Variants in ADGRL2 observed in about 807,000 individuals in gnomAD.
ADGRL2 encodes the protein adhesion G protein-coupled receptor L2.
In ADGRL2, 44 loss-of-function variants were observed where a neutral mutation model predicts 157.4. The observed-to-expected ratio is 0.28, with a 90% CI of 0.22 to 0.36. The LOEUF (loss-of-function observed/expected upper bound fraction) is 0.36. Among genes scored for constraint, ADGRL2 ranks in the 10% least tolerant of loss-of-function variants. The pLI, the probability that ADGRL2 is intolerant of heterozygous loss-of-function variation, is 1.00. For missense variants in ADGRL2, 1,510 were observed against 1,768.9 expected, an observed-to-expected ratio of 0.85 and a Z score of 2.63; for synonymous variants, 585 against 624.7, an observed-to-expected ratio of 0.94 and a Z score of 0.95.
intron 3 of ADGRL2, among the ~76,000 whole-genome samples, chr1:81,657,744 T>C (rs1258613061): frequency 2.0e-5 from 3 of 152,206 alleles, no homozygotes; most frequent in South Asian, 2.1e-4. Context: ...TGTACCTTTC[T>C]TTGGTAAGTA....
At chr1:81,451,187 T>C (rs1215913967) in intron 2 of ADGRL2, among the ~76,000 whole-genome samples, 3 of 152,208 alleles carry the variant, frequency 2.0e-5, no homozygotes, top group Non-Finnish European at 4.4e-5. Flanking sequence ...ACTCAGCTTC[T>C]AGGATCTGAA....
At chr1:81,908,301 C>T (rs1205910335) in intron 3 of ADGRL2, among the ~76,000 whole-genome samples, 1 of 152,172 alleles carries the variant, frequency 6.6e-6, no homozygotes, top group Non-Finnish European at 1.5e-5. Context: ...CCTAAAAATC[C>T]TCTGTCCTTG....
intron 1 of ADGRL2, among the ~76,000 whole-genome samples, chr1:81,381,847 T>C (rs1405251831): frequency 6.6e-6 from 1 of 152,200 alleles, no homozygotes; most frequent in African/African-American, 2.4e-5. Context: ...ATAATAATTG[T>C]TGTATCAAAC....
At chr1:81,790,489 A>C (rs544496547) in intron 2 of ADGRL2, among the ~76,000 whole-genome samples, 9 of 152,350 alleles carry the variant, frequency 5.9e-5, no homozygotes, top group Admixed American at 2.0e-4. Flanking sequence ...CAATTAATTG[A>C]CAAAACAAAT....
chr1:81,635,091 G>C (rs1459045073), intron 3 of ADGRL2, among the ~76,000 whole-genome samples: 1 of 152,130 alleles, frequency 6.6e-6, no homozygotes, highest in Non-Finnish European at 1.5e-5. Flanking sequence ...CTTGGTCTCT[G>C]GTAGGATGAT....
chr1:81,750,026 T>G (rs1426668063), intron 1 of ADGRL2, among the ~76,000 whole-genome samples: 1 of 152,208 alleles, frequency 6.6e-6, no homozygotes, highest in Admixed American at 6.5e-5. Flanking sequence ...ATATGTGAAG[T>G]CTAGTTAGAA....
intron 2 of ADGRL2, among the ~76,000 whole-genome samples, chr1:81,543,621 G>A (rs2079943315): frequency 6.6e-6 from 1 of 152,078 alleles, no homozygotes; most frequent in Admixed American, 6.6e-5. Context: ...GCCTTTCACT[G>A]GGTTACTACG....
chr1:81,893,400 T>C (rs986890440), intron 2 of ADGRL2, among the ~76,000 whole-genome samples: 8 of 152,114 alleles, frequency 5.3e-5, no homozygotes, highest in Admixed American at 5.2e-4. Context: ...AAATTAAAAC[T>C]ATTTGAGGTT....
At chr1:81,343,376 C>T (rs1379031043) in intron 1 of ADGRL2, among the ~76,000 whole-genome samples, 1 of 152,080 alleles carries the variant, frequency 6.6e-6, no homozygotes, top group Non-Finnish European at 1.5e-5. Flanking sequence ...AGGCATGAGC[C>T]ACTGGGCCTG....
intron 2 of ADGRL2, among the ~76,000 whole-genome samples, chr1:81,867,301 C>G (rs1198881698): frequency 6.6e-6 from 1 of 152,142 alleles, no homozygotes; most frequent in Non-Finnish European, 1.5e-5. Context: ...TACTGTTGAA[C>G]AAGGTAGCAT....
At chr1:81,713,823 C>T (rs1410823659) in intron 1 of ADGRL2, among the ~76,000 whole-genome samples, 1 of 152,156 alleles carries the variant, frequency 6.6e-6, no homozygotes, top group Admixed American at 6.5e-5. Context: ...CATTCCATGC[C>T]ATGCTGCCTT....
intron 1 of ADGRL2, among the ~76,000 whole-genome samples, chr1:81,309,841 T>A (rs184343195): frequency 2.6e-4 from 40 of 152,262 alleles, no homozygotes; most frequent in Non-Finnish European, 4.6e-4. Context: ...CATCTCTTTA[T>A]ATGTTTAAAA....
At chr1:81,984,523 T>TAG in intron 19 of ADGRL2, 60 bp from the exon 20 acceptor site, 2 of 1,414,352 alleles carry the variant, frequency 1.4e-6, no homozygotes, top group East Asian at 2.5e-5. Flanking sequence ...TTCATTTAAT[T>TAG]AGAGAGAGAG....
chr1:81,912,037 C>A (rs1192952080), intron 3 of ADGRL2, among the ~76,000 whole-genome samples: 1 of 151,718 alleles, frequency 6.6e-6, no homozygotes, highest in African/African-American at 2.4e-5. Flanking sequence ...AACCTCATAG[C>A]CTACTTACAT....
At chr1:81,322,953 G>T (rs1366087825) in intron 1 of ADGRL2, among the ~76,000 whole-genome samples, 1 of 151,422 alleles carries the variant, frequency 6.6e-6, no homozygotes, top group Admixed American at 6.6e-5. Context: ...CCACTCTTTG[G>T]TTCAAGCAAT....
At chr1:81,687,340 T>C (rs535534021) in intron 3 of ADGRL2, among the ~76,000 whole-genome samples, 3 of 152,312 alleles carry the variant, frequency 2.0e-5, no homozygotes, top group Admixed American at 6.5e-5. Context: ...GGTGCATATA[T>C]GTTTAGGATT....
chr1:81,950,460 A>G lies in ADGRL2; in HGVS notation c.1482A>G (p.Arg494=), dbSNP rs1269961995. 6.2e-7 allele frequency: 1 copy of G among 1,613,830 alleles called. No individual in the cohort carries two copies. The highest frequency in any genetic ancestry group is 1.7e-5 in the Admixed American group (1 of 59,964). ...CACAAAGGGGAATGATGGTTGAACG[A>G]CCATGCCCTAAGGGAACAAGAGGTA... ...PQTQRGMMVE[R]PCPKGTRGTA... Residue 494 remains arginine, a synonymous_variant, in exon 7 of 24, where the codon CGA becomes CGG. Transcript: ENST00000686636.
intron 2 of ADGRL2, among the ~76,000 whole-genome samples, chr1:81,765,223 C>A (rs774941303): frequency 1.3e-5 from 2 of 151,852 alleles, no homozygotes; most frequent in Admixed American, 6.6e-5. Context: ...TAGGTTTAGA[C>A]TGCCAAATTA....
intron 2 of ADGRL2, among the ~76,000 whole-genome samples, chr1:81,516,475 CA>C (rs2079180541): frequency 1.3e-5 from 2 of 152,184 alleles, no homozygotes; most frequent in Non-Finnish European, 2.9e-5. Context: ...ATCACTCCTG[CA>C]AAGTATTACC....
Sources: gnomAD v4.1 joint callset for allele counts (sites outside exome capture counted in the v4.1 genomes callset) on GRCh38, gnomAD v4.1.1 for gene constraint, MANE v1.5 for transcripts, NCBI Gene and HGNC (gene_info 2026-07-23, HGNC 2026-07-21) for gene names.